The following DLGAP1 variants were observed in gnomAD, a reference collection of about 807,000 sequenced individuals.
DLGAP1 encodes DLG associated protein 1.
DLGAP1 carries 11 observed loss-of-function variants against 90.8 expected under a neutral mutation model. The ratio of observed to expected loss-of-function variants is 0.12; its 90% CI spans 0.08 to 0.20. The LOEUF is 0.20. DLGAP1 is among the 10% of genes least tolerant of loss of function. The probability of loss-of-function intolerance (pLI) is 1.00; values close to 1 mark genes in which losing one functional copy is unlikely to be tolerated. For missense variants in DLGAP1, 1,050 were observed against 1,333.8 expected (o/e 0.79, Z 3.31); for synonymous variants, 558 against 540.7 (o/e 1.03, Z -0.44).
intron 1 of DLGAP1, among the ~76,000 whole-genome samples, chr18:4,403,834 GA>G (rs148959600): frequency 0.012 from 1,798 of 152,172 alleles, 31 homozygotes; most frequent in African/African-American, 0.037. Context: ...TGCTATTCTG[GA>G]GAAGGTTTCA....
intron 2 of DLGAP1, among the ~76,000 whole-genome samples, chr18:4,028,269 T>C (rs1405568722): frequency 6.6e-6 from 1 of 152,218 alleles, no homozygotes; most frequent in African/African-American, 2.4e-5. Flanking sequence ...TTACTTTTAT[T>C]TGTAACTCTA....
intron 2 of DLGAP1, among the ~76,000 whole-genome samples, chr18:4,104,252 TG>T (rs1188113062): frequency 6.6e-6 from 1 of 152,174 alleles, no homozygotes; most frequent in Non-Finnish European, 1.5e-5. Context: ...TGATTATTAT[TG>T]TCTTGAAATA....
rs1434383567 is a variant in DLGAP1, at chr18:3,825,816, C to A, written c.958-11543G>T. 2.6e-5 allele frequency among the ~76,000 whole-genome samples: 4 copies of A among 152,140 alleles called. No homozygotes were observed. The East Asian group carries it at 7.7e-4, about 29-fold the overall frequency. ...ATAAAGCACTCTACCAAAAATACAC[C>A]TGCACTCACATGTTGATCACAGCCC... On this transcript the variant is annotated intron_variant, in intron 4 of 12. Transcript: ENST00000315677.
chr18:3,891,101 T>G (rs752013738), intron 3 of DLGAP1, among the ~76,000 whole-genome samples: 2 of 152,210 alleles, frequency 1.3e-5, no homozygotes, highest in African/African-American at 2.4e-5. Context: ...TTCAACTTCC[T>G]GTCTCATAAG....
At chr18:4,276,481 C>T (rs886714795) in intron 1 of DLGAP1, among the ~76,000 whole-genome samples, 5 of 151,606 alleles carry the variant, frequency 3.3e-5, no homozygotes, top group South Asian at 2.1e-4. Context: ...ACTAAAAATA[C>T]GAAAATTAGC....
intron 2 of DLGAP1, among the ~76,000 whole-genome samples, chr18:4,060,955 A>G (rs1460328083): frequency 6.6e-6 from 1 of 152,206 alleles, no homozygotes; most frequent in Non-Finnish European, 1.5e-5. Context: ...TAAATGCATC[A>G]TGAAGTGCTA....
At chr18:4,453,316 T>G (rs974070018) in intron 1 of DLGAP1, among the ~76,000 whole-genome samples, 4 of 152,124 alleles carry the variant, frequency 2.6e-5, no homozygotes, top group Non-Finnish European at 5.9e-5. Flanking sequence ...GACATATTCA[T>G]TATTTCTTTA....
chr18:4,272,043 T>C (rs1299415991), intron 1 of DLGAP1, among the ~76,000 whole-genome samples: 1 of 152,176 alleles, frequency 6.6e-6, no homozygotes, highest in Non-Finnish European at 1.5e-5. Flanking sequence ...ATGACTGTAT[T>C]CAGATATTTT....
intron 1 of DLGAP1, among the ~76,000 whole-genome samples, chr18:4,208,525 A>G (rs2077769134): frequency 6.6e-6 from 1 of 152,222 alleles, no homozygotes; most frequent in Non-Finnish European, 1.5e-5. Context: ...CCATTATGCC[A>G]GTAACATATG....
At position 4,033,526 on chromosome 18, in the gene DLGAP1, T is replaced by C. The variant is rs372947640; in HGVS notation, c.-158-28325A>G. On this transcript the variant is annotated intron_variant, in intron 2 of 12. Transcript: ENST00000315677. ...ACTCAGAAATAAAACTGTTGGATAA[T>C]AAATTTAAAAATTCAAATATGGCCA... is the stretch of plus-strand genomic sequence containing the variant. Among the ~76,000 whole-genome samples, 36 of 152,266 alleles carry C rather than the reference T, an allele frequency of 2.4e-4. No individual in the cohort carries two copies. The South Asian group carries it at 6.0e-3, about 25-fold the overall frequency.
At chr18:4,075,469 C>T (rs984328781) in intron 2 of DLGAP1, among the ~76,000 whole-genome samples, 1 of 152,198 alleles carries the variant, frequency 6.6e-6, no homozygotes, top group African/African-American at 2.4e-5. Context: ...ATTTTAGCTA[C>T]TGTACCCCAT....
intron 1 of DLGAP1, among the ~76,000 whole-genome samples, chr18:4,295,763 T>A (rs768704804): frequency 2.0e-5 from 3 of 152,126 alleles, no homozygotes; most frequent in Non-Finnish European, 2.9e-5. Flanking sequence ...TAAAACCAAA[T>A]AAAAGTAAGT....
chr18:3,546,453 C>G (rs766367644), intron 9 of DLGAP1, among the ~76,000 whole-genome samples: 7 of 148,904 alleles, frequency 4.7e-5, no homozygotes, highest in Non-Finnish European at 8.9e-5. Flanking sequence ...ATTTTTTTTC[C>G]TAGTACACAC....
At chr18:4,281,502 G>A (rs117709019) in intron 1 of DLGAP1, among the ~76,000 whole-genome samples, 4,041 of 152,208 alleles carry the variant, frequency 0.027, 81 homozygotes, top group Non-Finnish European at 0.039. Flanking sequence ...TGCAGTGAAC[G>A]GAGATTGCGC....
chr18:4,317,951 G>A lies in DLGAP1; in HGVS notation c.-267+137055C>T, dbSNP rs562912680. Among the ~76,000 whole-genome samples, 353 of 152,196 alleles carry A rather than the reference G, an allele frequency of 2.3e-3. 3 individuals are homozygous for A. Among genetic ancestry groups the A allele is most frequent in the Middle Eastern group, 0.014 (4 of 294 alleles). On this transcript the variant is annotated intron_variant, in intron 1 of 12. Transcript: ENST00000315677. ...CAACCTCCGCCTCGTGGGTTCAAAC[G>A]ATTCTCCGGCCTCAGCCTCCTGAGT...
At chr18:3,803,164 C>A (rs2148344717) in intron 5 of DLGAP1, among the ~76,000 whole-genome samples, 1 of 152,226 alleles carries the variant, frequency 6.6e-6, no homozygotes, top group Admixed American at 6.5e-5. Context: ...GAAGAGATGT[C>A]CACCATTGGC....
chr18:4,191,937 A>G (rs2077408347), intron 1 of DLGAP1, among the ~76,000 whole-genome samples: 1 of 152,196 alleles, frequency 6.6e-6, no homozygotes, highest in African/African-American at 2.4e-5. Context: ...GGCCCACCAC[A>G]TATATGCCCA....
Position 3,609,496 on chromosome 18 carries a change from A to G in DLGAP1, c.1592-27248T>C, listed in dbSNP as rs190602150. On this transcript the variant is annotated intron_variant, in intron 7 of 12. Coordinates refer to ENST00000315677, the MANE Select transcript of DLGAP1 (RefSeq NM_004746.4). ...GGAATAGATATTTCTTCCACACGCT[A>G]GAAAAGGCTGTGTCTGCCTGGTGCA... Among the ~76,000 whole-genome samples the G allele has an allele frequency of 3.1e-3, 479 of 152,366 alleles. 2 individuals are homozygous for G. The highest frequency in any genetic ancestry group is 0.01 in the African/African-American group (423 of 41,586).
chr18:3,919,299 C>A lies in DLGAP1; in HGVS notation c.-72-39159G>T, dbSNP rs139649998. Among the ~76,000 whole-genome samples, 6 of 152,340 alleles carry A rather than the reference C, an allele frequency of 3.9e-5. 1 individual carries two copies. The East Asian group carries it at 1.2e-3, about 29-fold the overall frequency. On this transcript the variant is annotated intron_variant, in intron 3 of 12. Coordinates refer to ENST00000315677, the MANE Select transcript of DLGAP1 (RefSeq NM_004746.4). ...AGGCAAGGGAACTTGATACCATCTA[C>A]TGACATTTCAAAATTTTCAAGTGCA...
Sources: allele counts gnomAD v4.1 joint callset (sites outside exome capture counted in the v4.1 genomes callset), GRCh38; gene constraint gnomAD v4.1.1; transcripts MANE v1.5; gene names NCBI Gene and HGNC (gene_info 2026-07-23, HGNC 2026-07-21).